Variants in PLEKHA5 observed in about 807,000 individuals in gnomAD.
PLEKHA5 encodes pleckstrin homology domain containing A5, also known as pleckstrin homology domain-containing family A member 5.
PLEKHA5 carries 55 observed loss-of-function variants against 181.9 expected under a neutral mutation model. The ratio of observed to expected loss-of-function variants is 0.30; its 90% CI spans 0.24 to 0.38. PLEKHA5 has a LOEUF of 0.38. Among genes scored for constraint, PLEKHA5 ranks in the 10% least tolerant of loss-of-function variants. PLEKHA5 has a pLI of 1.00. For synonymous variants in PLEKHA5, 535 were observed against 529.4 expected (o/e 1.01, Z -0.15); for missense variants, 1,432 against 1,549.5 (o/e 0.92, Z 1.27).
intron 3 of PLEKHA5, among the ~76,000 whole-genome samples, chr12:19,252,737 A>G (rs907987757): frequency 2.0e-5 from 3 of 152,104 alleles, no homozygotes; most frequent in Admixed American, 6.6e-5. Context: ...TTTCTACAAC[A>G]TACCTTCCTC....
intron 11 of PLEKHA5, among the ~76,000 whole-genome samples, chr12:19,276,585 G>A (rs567852581): frequency 6.6e-6 from 1 of 152,294 alleles, no homozygotes; most frequent in African/African-American, 2.4e-5. Context: ...CAGCTACTGG[G>A]GAGGCTGAGG....
intron 3 of PLEKHA5, among the ~76,000 whole-genome samples, chr12:19,132,996 G>A (rs1467131435): frequency 6.7e-6 from 1 of 149,860 alleles, no homozygotes; most frequent in African/African-American, 2.5e-5. Context: ...GGTAGCAAAA[G>A]TGATGTAAAG....
chr12:19,236,977 A>G (rs1828871282), intron 3 of PLEKHA5: 1 of 152,208 alleles, frequency 6.6e-6, no homozygotes, highest in African/African-American at 2.4e-5. Flanking sequence ...TTTTTACTCC[A>G]GTGTTCTTTT....
intron 24 of PLEKHA5, 66 bp from the exon 25 acceptor site, chr12:19,348,333 A>C: frequency 1.6e-6 from 2 of 1,217,046 alleles, no homozygotes; most frequent in Non-Finnish European, 2.3e-6. Context: ...TTGTGTCTTT[A>C]GCAGTAAACA....
At chr12:19,240,867 C>T (rs376798590) in intron 3 of PLEKHA5, among the ~76,000 whole-genome samples, 2 of 152,206 alleles carry the variant, frequency 1.3e-5, no homozygotes, top group South Asian at 2.1e-4. Context: ...CAGTAAGACT[C>T]TTGTGACACA....
intron 3 of PLEKHA5, among the ~76,000 whole-genome samples, chr12:19,137,552 TA>T (rs1253979022): frequency 1.3e-5 from 2 of 152,200 alleles, no homozygotes; most frequent in African/African-American, 2.4e-5. Context: ...GTTTGTAGTG[TA>T]GAGATAAATA....
intron 3 of PLEKHA5, among the ~76,000 whole-genome samples, chr12:19,240,760 T>C (rs928561432): frequency 1.3e-5 from 2 of 151,992 alleles, no homozygotes; most frequent in African/African-American, 4.8e-5. Flanking sequence ...GCTGTGTATA[T>C]TTTTGAATGC....
rs1377075760 is a variant in PLEKHA5, at chr12:19,314,873, A to G, written c.2097A>G (p.Leu699=). 2 of 1,544,908 alleles carry G rather than the reference A, an allele frequency of 1.3e-6. No individual in the cohort carries two copies. The highest frequency in any genetic ancestry group is 2.7e-5 in the African/African-American group (2 of 72,908). ...ACACAATGATTGAGAACTCGGCGCT[A>G]AGACCCCAACTGTACCAGCAAGTAA... ...MVHTMIENSA[L]RPQLYQQFLR... is the part of the protein sequence containing the mutation. Residue 699 remains leucine (L), a synonymous_variant, in exon 16 of 32, where the codon CTA becomes CTG. Coordinates refer to ENST00000429027, the MANE Select transcript of PLEKHA5 (RefSeq NM_001256470.2).
chr12:19,371,112 A>C (rs1380828877), intron 31 of PLEKHA5: 1 of 151,822 alleles, frequency 6.6e-6, no homozygotes, highest in African/African-American at 2.4e-5. Flanking sequence ...TCCCAGGCTC[A>C]AGCAATCCTC....
chr12:19,181,991 A>G (rs952289173), intron 3 of PLEKHA5, among the ~76,000 whole-genome samples: 4 of 152,176 alleles, frequency 2.6e-5, no homozygotes, highest in African/African-American at 4.8e-5. Flanking sequence ...CTTGCTCTCA[A>G]GAGATTATAT....
chr12:19,345,753 C>T lies in PLEKHA5; in HGVS notation c.2663-89C>T, dbSNP rs185403939. ...ACTCCAGCTTGGGCAAACAGCAAGA[C>T]TTCATTTCAAAAAAACAAAAGAAAT... is the stretch of plus-strand genomic sequence containing the variant. On this transcript the variant is annotated intron_variant, in intron 22 of 31. Transcript: ENST00000429027. 326 of 672,292 alleles carry T rather than the reference C, an allele frequency of 4.8e-4. 1 individual carries two copies. The African/African-American group carries it at 5.5e-3, about 11-fold the overall frequency. 41.6% of individuals were successfully genotyped at this position (672,292 alleles called of 1,614,324 possible).
At chr12:19,154,785 CT>C (rs1186522225) in intron 3 of PLEKHA5, 1 of 152,108 alleles carries the variant, frequency 6.6e-6, no homozygotes, top group Non-Finnish European at 1.5e-5. Flanking sequence ...ATAATGTTAT[CT>C]TTTATAACGG....
At chr12:19,200,912 G>T (rs1289177084) in intron 3 of PLEKHA5, 1 of 150,474 alleles carries the variant, frequency 6.6e-6, no homozygotes, top group East Asian at 1.9e-4. Flanking sequence ...AAAACTTTTA[G>T]AAAAAAGAGA....
chr12:19,316,358 A>G (rs1001208706), intron 16 of PLEKHA5, among the ~76,000 whole-genome samples: 1 of 152,016 alleles, frequency 6.6e-6, no homozygotes, highest in African/African-American at 2.4e-5. Flanking sequence ...GATAGTTTAA[A>G]TTATTTGGTT....
chr12:19,230,395 G>A (rs546535156), intron 3 of PLEKHA5, among the ~76,000 whole-genome samples: 1 of 152,182 alleles, frequency 6.6e-6, no homozygotes. Flanking sequence ...ATGGGACCGG[G>A]CGTCGCAGAG....
chr12:19,213,631 G>A (rs185932406), intron 3 of PLEKHA5, among the ~76,000 whole-genome samples: 1 of 152,126 alleles, frequency 6.6e-6, no homozygotes, highest in Non-Finnish European at 1.5e-5. Context: ...GAAGGAGGAG[G>A]AGATAGGGCA....
At chr12:19,317,126 T>C (rs936311756) in intron 16 of PLEKHA5, among the ~76,000 whole-genome samples, 2 of 152,078 alleles carry the variant, frequency 1.3e-5, no homozygotes, top group Admixed American at 6.6e-5. Flanking sequence ...CAACAATTTA[T>C]GAGGCCAAAG....
At chr12:19,306,623 G>T in intron 15 of PLEKHA5, 1 of 1,052,114 alleles carries the variant, frequency 9.5e-7, no homozygotes, top group Non-Finnish European at 1.5e-6. Flanking sequence ...TGGTGGCGGC[G>T]GTGGAGGCGG....
intron 3 of PLEKHA5, among the ~76,000 whole-genome samples, chr12:19,191,282 G>A (rs1010824001): frequency 1.2e-4 from 18 of 152,186 alleles, no homozygotes; most frequent in African/African-American, 4.1e-4. Context: ...AAGAATGGGA[G>A]TGAAGTAGGG....
Sources: allele counts gnomAD v4.1 joint callset (sites outside exome capture counted in the v4.1 genomes callset), GRCh38; gene constraint gnomAD v4.1.1; transcripts MANE v1.5; gene names NCBI Gene and HGNC (gene_info 2026-07-23, HGNC 2026-07-21).